Variants in GRK3 observed in about 807,000 individuals in gnomAD.
The protein encoded by GRK3 is adrenergic, beta, receptor kinase 2.
GRK3 carries 54 observed loss-of-function variants against 95.7 expected under a neutral mutation model. The ratio of observed to expected loss-of-function variants is 0.56; its 90% CI spans 0.45 to 0.71. The LOEUF is 0.71. GRK3 is among the 30% of genes least tolerant of loss of function. The pLI is 0.00. For missense variants in GRK3, 649 were observed against 851.2 expected, an observed-to-expected ratio of 0.76 and a Z score of 2.96; for synonymous variants, 281 against 290.8, an observed-to-expected ratio of 0.97 and a Z score of 0.34.
rs1223949351 is a variant in GRK3, at chr22:25,703,594, T to A, written c.1227+18T>A. The A allele has an allele frequency of 2.5e-6, 4 of 1,573,768 alleles. No homozygotes were observed. Among genetic ancestry groups the A allele is most frequent in the Non-Finnish European group, 3.5e-6 (4 of 1,143,894 alleles). ...TCACCGTGGTAAGGGGATTCAAAAC[T>A]GTATTCTTGTCTGTATGGTAATTGT... is the stretch of plus-strand genomic sequence containing the variant. On this transcript the variant is annotated intron_variant, in intron 14 of 20. Transcript: ENST00000324198.
chr22:25,697,802 T>C (rs2085221518), intron 13 of GRK3, among the ~76,000 whole-genome samples: 1 of 152,182 alleles, frequency 6.6e-6, no homozygotes, highest in Non-Finnish European at 1.5e-5. Flanking sequence ...TGACCATCGA[T>C]TGAGCCTGAA....
intron 2 of GRK3, among the ~76,000 whole-genome samples, chr22:25,629,842 G>T (rs1473789560): frequency 1.3e-5 from 2 of 152,178 alleles, no homozygotes; most frequent in Admixed American, 6.5e-5. Flanking sequence ...CTTAGTGAGG[G>T]TGCTGTTGCT....
intron 5 of GRK3, among the ~76,000 whole-genome samples, chr22:25,664,464 A>T (rs1275200145): frequency 6.6e-6 from 1 of 151,512 alleles, no homozygotes; most frequent in East Asian, 1.9e-4. Flanking sequence ...TAATCAACTC[A>T]TCTTTTTCCT....
chr22:25,565,193 C>T, intron 1 of GRK3, 40 bp downstream of exon 1: 2 of 1,141,296 alleles, frequency 1.8e-6, no homozygotes, highest in East Asian at 3.3e-5. Context: ...CAAGCCGCCG[C>T]CCCCTGCGGC....
At chr22:25,710,792 G>GTTATA (rs1453442880) in intron 16 of GRK3, among the ~76,000 whole-genome samples, 1 of 152,248 alleles carries the variant, frequency 6.6e-6, no homozygotes, top group Non-Finnish European at 1.5e-5. Context: ...CGGATATGCA[G>GTTATA]TCCTGAGATT....
At chr22:25,673,180 G>C (rs1340334791) in intron 7 of GRK3, among the ~76,000 whole-genome samples, 1 of 151,352 alleles carries the variant, frequency 6.6e-6, no homozygotes, top group African/African-American at 2.4e-5. Context: ...TCCTGCCTCA[G>C]CCTCTTAAGT....
At chr22:25,652,752 A>G (rs952657683) in intron 3 of GRK3, among the ~76,000 whole-genome samples, 2 of 152,220 alleles carry the variant, frequency 1.3e-5, no homozygotes, top group Non-Finnish European at 2.9e-5. Context: ...CAGTGATCCC[A>G]GAAGATTTTA....
intron 1 of GRK3, among the ~76,000 whole-genome samples, chr22:25,583,755 A>T (rs1359346035): frequency 6.6e-6 from 1 of 152,230 alleles, no homozygotes; most frequent in Non-Finnish European, 1.5e-5. Context: ...TTAATAGCCT[A>T]TATTAGACAT....
At chr22:25,642,547 T>C (rs914279094) in intron 2 of GRK3, among the ~76,000 whole-genome samples, 1 of 152,234 alleles carries the variant, frequency 6.6e-6, no homozygotes, top group Admixed American at 6.5e-5. Flanking sequence ...ATACATTGCA[T>C]AGTGGTGAAC....
At chr22:25,636,078 A>G (rs1337680971) in intron 2 of GRK3, among the ~76,000 whole-genome samples, 1 of 152,158 alleles carries the variant, frequency 6.6e-6, no homozygotes. Context: ...TCCTGTTCAT[A>G]TAGCTCCATC....
chr22:25,687,443 C>T (rs905642701), intron 10 of GRK3, 94 bp from the exon 11 acceptor site: 6 of 1,369,862 alleles, frequency 4.4e-6, no homozygotes, highest in East Asian at 2.4e-5. Context: ...CATAGTTTCC[C>T]TTTTTCTGCT....
chr22:25,663,518 G>A (rs1435066547), intron 4 of GRK3, 112 bp from the exon 5 acceptor site: 14 of 615,192 alleles, frequency 2.3e-5, no homozygotes, highest in Non-Finnish European at 3.3e-5. Context: ...TATAATTACC[G>A]TAGGTTACTG....
rs1220920517 is a variant in GRK3 at position 25,704,125 on chromosome 22, A to G, written c.1244A>G (p.Asp415Gly). 6.2e-7 allele frequency: 1 copy of G among 1,612,512 alleles called. No individual in the cohort carries two copies. Among genetic ancestry groups the G allele is most frequent in the Non-Finnish European group, 8.5e-7 (1 of 1,179,210 alleles). The part of the protein sequence containing the change: ...MTLTVNVELP[D>G]TFSPELKSLL... ...TTTCCCCAGAATGTGGAACTTCCAG[A>G]CACCTTCTCTCCTGAACTGAAGTCC... is the stretch of plus-strand genomic sequence containing the variant. Residue 415 changes from aspartate to glycine, a missense_variant, in exon 15 of 21, where the codon GAC becomes GGC. This residue lies in a region of GRK3 where 382 missense variants were observed against 493.8 expected (regional missense o/e 0.77). Coordinates refer to ENST00000324198, the MANE Select transcript of GRK3 (RefSeq NM_005160.4).
intron 13 of GRK3, among the ~76,000 whole-genome samples, chr22:25,700,993 G>T (rs948218439): frequency 3.9e-5 from 6 of 152,336 alleles, no homozygotes; most frequent in Admixed American, 2.6e-4. Flanking sequence ...TGGGCAGGAT[G>T]TGTGTTTTCC....
intron 2 of GRK3, among the ~76,000 whole-genome samples, chr22:25,631,508 C>G (rs1464967919): frequency 1.3e-5 from 2 of 152,206 alleles, no homozygotes; most frequent in East Asian, 3.8e-4. Context: ...ATTCCTGGCT[C>G]AACTGTATGT....
At chr22:25,667,710 C>T (rs1259831787) in intron 5 of GRK3, 29 bp from the exon 6 acceptor site, 9 of 1,545,742 alleles carry the variant, frequency 5.8e-6, no homozygotes, top group African/African-American at 1.4e-5. Flanking sequence ...GATTCATTCA[C>T]CGTGGAATTT....
intron 3 of GRK3, among the ~76,000 whole-genome samples, chr22:25,655,877 A>G (rs537729742): frequency 1.3e-5 from 2 of 152,288 alleles, no homozygotes; most frequent in African/African-American, 4.8e-5. Flanking sequence ...GTGAGTTTCA[A>G]ATAGGACACC....
chr22:25,584,197 G>T (rs566123943), intron 1 of GRK3, among the ~76,000 whole-genome samples: 2 of 152,188 alleles, frequency 1.3e-5, no homozygotes, highest in Non-Finnish European at 2.9e-5. Flanking sequence ...CATTATCTGT[G>T]GTTTTGCTTT....
intron 13 of GRK3, among the ~76,000 whole-genome samples, chr22:25,697,124 G>A (rs1352908391): frequency 6.6e-6 from 1 of 152,218 alleles, no homozygotes; most frequent in Non-Finnish European, 1.5e-5. Context: ...CTGAACTGTT[G>A]AATGTAAAAA....
Sources: allele counts gnomAD v4.1 joint callset (sites outside exome capture counted in the v4.1 genomes callset), GRCh38; gene constraint gnomAD v4.1.1; regional missense constraint gnomAD v4.1.1; transcripts MANE v1.5; gene names NCBI Gene and HGNC (gene_info 2026-07-23, HGNC 2026-07-21).